ANGPT1: variants seen among roughly 807,000 people sequenced by gnomAD.
The protein encoded by ANGPT1 is angiopoietin-1.
ANGPT1 carries 17 observed loss-of-function variants against 62.2 expected under a neutral mutation model. The ratio of observed to expected loss-of-function variants is 0.27; its 90% CI spans 0.19 to 0.41. The LOEUF is 0.41. Among genes scored for constraint, ANGPT1 ranks in the 10% least tolerant of loss-of-function variants. The pLI is 1.00. For missense variants in ANGPT1, 478 were observed against 594.9 expected, an observed-to-expected ratio of 0.80 and a Z score of 2.04; for synonymous variants, 199 against 198.9, an observed-to-expected ratio of 1.00 and a Z score of 0.00.
intron 1 of ANGPT1, among the ~76,000 whole-genome samples, chr8:107,413,843 G>A (rs1810656582): frequency 6.6e-6 from 1 of 152,028 alleles, no homozygotes; most frequent in Non-Finnish European, 1.5e-5. Flanking sequence ...TAATATGATG[G>A]CAGGGCAGTT....
intron 5 of ANGPT1, among the ~76,000 whole-genome samples, chr8:107,300,021 GTAGTTATATCTAGATATAACTATATATA>G (rs71308719): frequency 4.4e-5 from 6 of 136,978 alleles, no homozygotes; most frequent in Admixed American, 1.5e-4. Flanking sequence ...ATCTAGATAT[GTAGTTATATCTAGATATAACTATATATA>G]TAGTTATATC....
At chr8:107,277,911 T>C (rs1005609823) in intron 7 of ANGPT1, among the ~76,000 whole-genome samples, 8 of 152,146 alleles carry the variant, frequency 5.3e-5, no homozygotes, top group African/African-American at 1.9e-4. Context: ...GATGGGATCC[T>C]GAATCCAAGT....
At chr8:107,474,287 A>C (rs949105799) in intron 1 of ANGPT1, among the ~76,000 whole-genome samples, 4 of 152,202 alleles carry the variant, frequency 2.6e-5, no homozygotes, top group African/African-American at 7.2e-5. Flanking sequence ...AACATATGCA[A>C]ATCAATAAAT....
chr8:107,398,814 G>A (rs955619586), intron 1 of ANGPT1, among the ~76,000 whole-genome samples: 4 of 151,994 alleles, frequency 2.6e-5, no homozygotes, highest in East Asian at 1.9e-4. Context: ...AAGAGTAATC[G>A]CTATTTCTCT....
Position 107,251,881 on chromosome 8 carries a change from T to C in ANGPT1, c.1471A>G (p.Met491Val). The change falls in exon 9 of 9, where the codon ATG becomes GTG. Residue 491 changes from methionine (M) to valine (V), a missense_variant. Physicochemically the swap from Met to Val is conservative, Grantham distance 21. Around this residue, in one of 4 missense-constraint regions of ANGPT1, gnomAD observed 35 missense variants for 49.6 expected, o/e 0.71. Coordinates refer to ENST00000517746, the MANE Select transcript of ANGPT1 (RefSeq NM_001146.5). ...GPSYSLRSTT[M>V]MIRPLDF ...CAAAAATCTAAAGGTCGAATCATCA[T>C]AGTTGTGGAACGTAAGGAGTAACTG... 6.2e-7 allele frequency: 1 copy of C among 1,613,952 alleles called. No individual in the cohort carries two copies. The highest frequency in any genetic ancestry group is 8.5e-7 in the Non-Finnish European group (1 of 1,179,858).
chr8:107,418,114 T>C (rs779122987), intron 1 of ANGPT1, among the ~76,000 whole-genome samples: 66 of 152,204 alleles, frequency 4.3e-4, no homozygotes, highest in Non-Finnish European at 8.8e-4. Context: ...ATGAGATATA[T>C]ATAAACCAGA....
At chr8:107,370,748 AGAAG>A (rs1291953235) in intron 1 of ANGPT1, among the ~76,000 whole-genome samples, 6 of 151,008 alleles carry the variant, frequency 4.0e-5, no homozygotes, top group East Asian at 1.9e-4. Context: ...AAGGAAGAAA[AGAAG>A]GAAGGAAGGA....
intron 1 of ANGPT1, among the ~76,000 whole-genome samples, chr8:107,422,073 A>C (rs561173380): frequency 3.2e-4 from 49 of 152,278 alleles, no homozygotes; most frequent in African/African-American, 1.2e-3. Context: ...AAAATTTACT[A>C]AAATCTACTA....
intron 1 of ANGPT1, among the ~76,000 whole-genome samples, chr8:107,486,822 A>C (rs942394825): frequency 3.3e-5 from 5 of 152,188 alleles, no homozygotes; most frequent in African/African-American, 1.2e-4. Context: ...AATAGTGGAC[A>C]CAAACAATGT....
chr8:107,357,720 T>C (rs144471702), intron 1 of ANGPT1, among the ~76,000 whole-genome samples: 1,719 of 152,250 alleles, frequency 0.011, 21 homozygotes, highest in Middle Eastern at 0.02. Flanking sequence ...GAAATTTAAA[T>C]ACCCAGCAGA....
chr8:107,333,279 G>C (rs909097304), intron 3 of ANGPT1, among the ~76,000 whole-genome samples: 1 of 151,958 alleles, frequency 6.6e-6, no homozygotes, highest in African/African-American at 2.4e-5. Context: ...TAACTATAGA[G>C]ATACAGCAAT....
rs551347453 is a variant in ANGPT1 at position 107,348,887 on chromosome 8, G to A, written c.298-1790C>T. 6.6e-5 allele frequency among the ~76,000 whole-genome samples: 10 copies of A among 152,290 alleles called. 1 individual carries two copies. In the South Asian group the frequency reaches 2.1e-3, roughly 32 times the overall value. On this transcript the variant is annotated intron_variant, in intron 1 of 8. Transcript: ENST00000517746. ...AGGTTCTAACTTGTCAAGCCAGAAT[G>A]TTCTGCTCCTGCTTCATAGGTGTGA...
intron 1 of ANGPT1, among the ~76,000 whole-genome samples, chr8:107,365,922 A>C (rs2130223697): frequency 6.6e-6 from 1 of 151,924 alleles, no homozygotes; most frequent in Admixed American, 6.6e-5. Flanking sequence ...TAGAAATAAA[A>C]GTTTCATTAA....
chr8:107,286,328 G>A (rs994957471), intron 6 of ANGPT1, among the ~76,000 whole-genome samples: 10 of 152,072 alleles, frequency 6.6e-5, no homozygotes, highest in African/African-American at 2.4e-4. Flanking sequence ...CTCAATAAAA[G>A]CAAATTAGTA....
intron 1 of ANGPT1, among the ~76,000 whole-genome samples, chr8:107,366,787 A>T (rs1816282618): frequency 6.6e-6 from 1 of 152,182 alleles, no homozygotes; most frequent in South Asian, 2.1e-4. Flanking sequence ...GATCTGTGTG[A>T]TCAATAGAAT....
intron 1 of ANGPT1, among the ~76,000 whole-genome samples, chr8:107,415,001 C>G (rs1233420089): frequency 6.6e-6 from 1 of 152,138 alleles, no homozygotes; most frequent in Non-Finnish European, 1.5e-5. Flanking sequence ...CTAAAATACA[C>G]TTCTTGCTGG....
chr8:107,347,492 C>A (rs1428487283), intron 1 of ANGPT1, among the ~76,000 whole-genome samples: 1 of 152,070 alleles, frequency 6.6e-6, no homozygotes, highest in Non-Finnish European at 1.5e-5. Flanking sequence ...AGAATGCAGC[C>A]AAATTCACAT....
chr8:107,418,414 G>A (rs772371469), intron 1 of ANGPT1, among the ~76,000 whole-genome samples: 2 of 152,074 alleles, frequency 1.3e-5, no homozygotes, highest in Non-Finnish European at 2.9e-5. Context: ...GTGTTCTCTC[G>A]TTTGTGATGA....
chr8:107,317,501 TC>T (rs1815042168), intron 4 of ANGPT1, among the ~76,000 whole-genome samples: 2 of 152,290 alleles, frequency 1.3e-5, no homozygotes, highest in South Asian at 2.1e-4. Context: ...TTTTCTTTTT[TC>T]CTTCCTTCCT....
Sources: allele counts gnomAD v4.1 joint callset (sites outside exome capture counted in the v4.1 genomes callset), GRCh38; gene constraint gnomAD v4.1.1; regional missense constraint gnomAD v4.1.1; transcripts MANE v1.5; gene names NCBI Gene and HGNC (gene_info 2026-07-23, HGNC 2026-07-21).